The following IARS1 variants were observed in gnomAD, a reference collection of about 807,000 sequenced individuals.
IARS1 encodes the protein isoleucyl-tRNA synthetase 1, also known as isoleucine--tRNA ligase, cytoplasmic.
A neutral mutation model predicts 168.2 loss-of-function variants in IARS1; 124 were observed. The ratio of observed to expected loss-of-function variants is 0.74; its 90% CI spans 0.64 to 0.86. IARS1 has a LOEUF of 0.86. IARS1 is among the 40% of genes least tolerant of loss of function. IARS1 has a pLI of 0.00. For synonymous variants in IARS1, 532 were observed against 529.4 expected, an observed-to-expected ratio of 1.00 and a Z score of -0.07; for missense variants, 1,452 against 1,515.8, an observed-to-expected ratio of 0.96 and a Z score of 0.70.
intron 7 of IARS1, among the ~76,000 whole-genome samples, chr9:92,278,862 A>G (rs566848895): frequency 1.3e-5 from 2 of 152,344 alleles, no homozygotes; most frequent in East Asian, 3.9e-4. Context: ...TTATAGAGGT[A>G]CGAATTATTT....
chr9:92,238,413 C>T lies in IARS1; in HGVS notation c.3283+2443G>A, dbSNP rs770267996. On this transcript the variant is annotated intron_variant, in intron 30 of 33. Transcript: ENST00000443024. ...TGAGTTCTCACTCTGTTCGTTCATG[C>T]GATAGCTGGTTATTTAAAAGAGCCT... Among the ~76,000 whole-genome samples, 10 of 152,116 alleles carry T rather than the reference C, an allele frequency of 6.6e-5. 1 individual carries two copies. Among genetic ancestry groups the T allele is most frequent in the South Asian group, 2.1e-4 (1 of 4,814 alleles).
chr9:92,274,441 A>G lies in IARS1; in HGVS notation c.975T>C (p.Ala325=). ...EEEGTGVVHQ[A]PYFGAEDYRV... Reference sequence around the variant, plus strand: ...TGCTACTCACAGCACCGAAGTAAGGAGCTTGGTGGACAACCCCTGTGCCTT... The same window carrying G: ...TGCTACTCACAGCACCGAAGTAAGGGGCTTGGTGGACAACCCCTGTGCCTT... Residue 325 remains alanine (A), a synonymous_variant, in exon 10 of 34, where the codon GCT becomes GCC. Transcript: ENST00000443024. 1 of 1,613,690 alleles carries G rather than the reference A, an allele frequency of 6.2e-7. No homozygotes were observed. The highest frequency in any genetic ancestry group is 8.5e-7 in the Non-Finnish European group (1 of 1,179,622).
At chr9:92,258,833 G>C (rs778889187) in intron 19 of IARS1, 21 bp downstream of exon 19, 1 of 1,582,844 alleles carries the variant, frequency 6.3e-7, no homozygotes, top group Non-Finnish European at 8.6e-7. Flanking sequence ...AGGTACATGT[G>C]CAGCCCCCTA....
At position 92,251,851 on chromosome 9, in the gene IARS1, A is replaced by G. The variant is rs747816912; in HGVS notation, c.2264T>C (p.Leu755Pro). The G allele has an allele frequency of 1.9e-6, 3 of 1,613,860 alleles. No homozygotes were observed. The African/African-American group carries it at 4.0e-5, about 22-fold the overall frequency. ...ENGMEDCVMA[L>P]ETLFSVLLSL... ...AAGCAGAACACTAAACAAGGTTTCT[A>G]GGGCCATGACACAATCCTCCATCCC... is the stretch of plus-strand genomic sequence containing the variant. The change falls in exon 22 of 34, where the codon CTA becomes CCA. Residue 755 changes from leucine (L) to proline (P), a missense_variant. Coordinates refer to ENST00000443024, the MANE Select transcript of IARS1 (RefSeq NM_002161.6).
At chr9:92,217,543 A>G (rs1838929250) in intron 33 of IARS1, among the ~76,000 whole-genome samples, 2 of 148,786 alleles carry the variant, frequency 1.3e-5, no homozygotes, top group African/African-American at 5.0e-5. Context: ...TAATAAAGAA[A>G]AAAAGAGAGC....
intron 30 of IARS1, among the ~76,000 whole-genome samples, chr9:92,231,531 A>G (rs1463174988): frequency 6.7e-6 from 1 of 148,372 alleles, no homozygotes; most frequent in Admixed American, 6.8e-5. Flanking sequence ...CTCCTACTTC[A>G]GCCTCTCGAG....
chr9:92,280,332 CT>C (rs1028770164), intron 7 of IARS1, among the ~76,000 whole-genome samples: 1 of 152,180 alleles, frequency 6.6e-6, no homozygotes, highest in Non-Finnish European at 1.5e-5. Context: ...TACCAATCTT[CT>C]TTTTAAATCT....
intron 2 of IARS1, 21 bp from the exon 3 acceptor site, chr9:92,288,303 A>T (rs1414208410): frequency 6.2e-7 from 1 of 1,612,966 alleles, no homozygotes; most frequent in African/African-American, 1.3e-5. Context: ...ATAAAAATAT[A>T]TCAAGCCATT....
At chr9:92,290,266 T>C (rs147644312) in intron 1 of IARS1, among the ~76,000 whole-genome samples, 2 of 152,320 alleles carry the variant, frequency 1.3e-5, no homozygotes, top group Non-Finnish European at 2.9e-5. Context: ...TGTTAAGTAG[T>C]ATCTTGTGGT....
chr9:92,243,908 T>C (rs1211979203), intron 27 of IARS1, among the ~76,000 whole-genome samples: 1 of 152,242 alleles, frequency 6.6e-6, no homozygotes, highest in Non-Finnish European at 1.5e-5. Context: ...GTAGCAATAA[T>C]GACACTATCG....
chr9:92,219,819 G>A (rs1045917296), intron 33 of IARS1, among the ~76,000 whole-genome samples: 6 of 143,986 alleles, frequency 4.2e-5, no homozygotes, highest in African/African-American at 1.6e-4. Flanking sequence ...CACTGTTGGT[G>A]GGACTGTAAA....
At chr9:92,293,527 A>G in intron 1 of IARS1, 84 bp downstream of exon 1, 1 of 521,240 alleles carries the variant, frequency 1.9e-6, no homozygotes, top group Non-Finnish European at 3.9e-6. Flanking sequence ...TAAAAATTAA[A>G]TCTTGTGCTA....
chr9:92,289,160 T>A (rs912343434), intron 2 of IARS1, 141 bp downstream of exon 2: 1 of 505,904 alleles, frequency 2.0e-6, no homozygotes, highest in African/African-American at 2.1e-5. Context: ...TGAGCAGAGA[T>A]TGCACCACTG....
chr9:92,216,583 CCAAG>C (rs1838742094), intron 33 of IARS1, among the ~76,000 whole-genome samples: 1 of 129,380 alleles, frequency 7.7e-6, no homozygotes, highest in African/African-American at 2.9e-5. Context: ...GGAAGATCTA[CCAAG>C]CAAATGGAAA....
At chr9:92,242,510 G>C (rs1324652353) in intron 28 of IARS1, 180 bp from the exon 29 acceptor site, 8 of 569,708 alleles carry the variant, frequency 1.4e-5, no homozygotes, top group South Asian at 1.2e-4. Context: ...GATTAACTTT[G>C]TGTCTTTTTC....
At chr9:92,237,437 T>C (rs1171006343) in intron 30 of IARS1, among the ~76,000 whole-genome samples, 1 of 152,216 alleles carries the variant, frequency 6.6e-6, no homozygotes, top group Non-Finnish European at 1.5e-5. Flanking sequence ...GTTTGTTTTA[T>C]GGCCCAGGTT....
In IARS1 at chr9:92,285,192, A is replaced by G. The variant is rs117325780; in HGVS notation, c.597+530T>C. ...ATTTCAGAAGACTTACTAGTATATA[A>G]TATCTGTCTAGATATGGTATAACAA... On this transcript the variant is annotated intron_variant, in intron 6 of 33. Transcript: ENST00000443024. 4.7e-4 allele frequency among the ~76,000 whole-genome samples: 71 copies of G among 152,342 alleles called. No individual in the cohort carries two copies. The East Asian group carries it at 0.012, about 26-fold the overall frequency.
intron 27 of IARS1, among the ~76,000 whole-genome samples, chr9:92,244,295 C>G (rs987783509): frequency 1.3e-5 from 2 of 152,156 alleles, no homozygotes; most frequent in Non-Finnish European, 2.9e-5. Context: ...GAGTTCTGTA[C>G]ACATCTAACT....
chr9:92,282,856 A>ATC (rs1370406408), intron 6 of IARS1, among the ~76,000 whole-genome samples: 2 of 142,146 alleles, frequency 1.4e-5, no homozygotes, highest in South Asian at 4.8e-4. Flanking sequence ...ATATATATAT[A>ATC]TATATTTTTT....
Sources: allele counts gnomAD v4.1 joint callset (sites outside exome capture counted in the v4.1 genomes callset), GRCh38; gene constraint gnomAD v4.1.1; transcripts MANE v1.5; gene names NCBI Gene and HGNC (gene_info 2026-07-23, HGNC 2026-07-21).